The following RALGPS2 variants were observed in gnomAD, a reference collection of about 807,000 sequenced individuals.
RALGPS2 encodes the protein Ral GEF with PH domain and SH3 binding motif 2.
RALGPS2 carries 43 observed loss-of-function variants against 86.8 expected under a neutral mutation model. The observed-to-expected ratio is 0.50, with a 90% CI of 0.39 to 0.64. The LOEUF is 0.64. Ranked by LOEUF, RALGPS2 falls within the 30% of genes least tolerant of loss-of-function variation. The probability of loss-of-function intolerance (pLI) is 0.00; values close to 1 mark genes in which losing one functional copy is unlikely to be tolerated. For synonymous variants in RALGPS2, 243 were observed against 231.3 expected, an observed-to-expected ratio of 1.05 and a Z score of -0.46; for missense variants, 536 against 694.6, an observed-to-expected ratio of 0.77 and a Z score of 2.57.
At chr1:178,895,184 T>C (rs1172958042) in intron 16 of RALGPS2, among the ~76,000 whole-genome samples, 2 of 152,066 alleles carry the variant, frequency 1.3e-5, no homozygotes, top group African/African-American at 4.8e-5. Context: ...TTTCCCTTTC[T>C]CAAATTTGAA....
intron 1 of RALGPS2, among the ~76,000 whole-genome samples, chr1:178,775,742 A>T (rs1487666662): frequency 6.6e-6 from 1 of 152,144 alleles, no homozygotes; most frequent in Non-Finnish European, 1.5e-5. Flanking sequence ...ATGTGGGTAT[A>T]TCTTCCCTAA....
At chr1:178,897,313 A>G (rs577374082) in intron 16 of RALGPS2, among the ~76,000 whole-genome samples, 12 of 152,226 alleles carry the variant, frequency 7.9e-5, no homozygotes, top group African/African-American at 2.9e-4. Flanking sequence ...ATGTGGAGAA[A>G]TAGGAACACT....
intron 13 of RALGPS2, among the ~76,000 whole-genome samples, chr1:178,886,811 A>G (rs1161925967): frequency 3.3e-5 from 5 of 152,358 alleles, no homozygotes; most frequent in Admixed American, 6.5e-5. Context: ...AAAGCCCAGT[A>G]GATGAAGTAT....
At chr1:178,742,899 G>C (rs1162680125) in intron 1 of RALGPS2, among the ~76,000 whole-genome samples, 1 of 152,188 alleles carries the variant, frequency 6.6e-6, no homozygotes, top group Non-Finnish European at 1.5e-5. Flanking sequence ...CTTTTGAACT[G>C]AATCAAAATG....
In RALGPS2 at chr1:178,816,708, A is replaced by AT. The variant is rs1238092158; in HGVS notation, c.388-4888dup. On this transcript the variant is annotated intron_variant, in intron 6 of 19. Transcript: ENST00000367635. ...CCTAGAAGTATTATAGTTTGAAGTG[A>AT]TTTTTTTTTTTTTTTTGGAGATGGA... Among the ~76,000 whole-genome samples the AT allele has an allele frequency of 2.7e-3, 363 of 134,316 alleles. 2 individuals carry two copies. The highest frequency in any genetic ancestry group is 3.6e-3 in the African/African-American group (131 of 36,774). 88.1% of individuals were successfully genotyped at this position (134,316 alleles called of 152,430 possible).
chr1:178,734,307 A>G (rs2102008307), intron 1 of RALGPS2, among the ~76,000 whole-genome samples: 1 of 152,330 alleles, frequency 6.6e-6, no homozygotes, highest in Middle Eastern at 3.4e-3. Context: ...ACTTCTTCAA[A>G]TAATTTAACG....
rs1192949007 is a variant in RALGPS2, at chr1:178,920,396, T to C, written c.*4037T>C. 1 of 151,984 alleles carries C rather than the reference T, an allele frequency of 6.6e-6. No homozygotes were observed. Among genetic ancestry groups the C allele is most frequent in the Non-Finnish European group, 1.5e-5 (1 of 67,882 alleles). 9.4% of individuals were successfully genotyped at this position (151,984 alleles called of 1,614,324 possible). A position where few individuals can be genotyped will look rare whatever the true frequency, so the allele number is the denominator to read the frequency against. On this transcript the variant is annotated 3_prime_UTR_variant, in exon 20 of 20. Coordinates refer to ENST00000367635, the MANE Select transcript of RALGPS2 (RefSeq NM_152663.5). ...AGTGCCTTATTATTTGAAGAGCAAT[T>C]TTAGGGCATCAAGTATGACAATAAT...
intron 4 of RALGPS2, among the ~76,000 whole-genome samples, chr1:178,806,710 A>G (rs755433464): frequency 6.6e-6 from 1 of 152,042 alleles, no homozygotes; most frequent in African/African-American, 2.4e-5. Context: ...ATTAAAAAAT[A>G]ATAATTATAT....
chr1:178,813,601 A>G (rs912297093), intron 6 of RALGPS2, among the ~76,000 whole-genome samples: 2 of 152,204 alleles, frequency 1.3e-5, no homozygotes, highest in Non-Finnish European at 2.9e-5. Flanking sequence ...CATTCTGTAT[A>G]AACATGTATA....
chr1:178,805,588 G>A (rs549453640), intron 4 of RALGPS2, among the ~76,000 whole-genome samples: 62 of 151,490 alleles, frequency 4.1e-4, no homozygotes, highest in African/African-American at 1.5e-3. Flanking sequence ...CAGATAGTTG[G>A]CTAGCTGTTT....
chr1:178,804,267 TTTAA>T (rs1198903827), intron 4 of RALGPS2, among the ~76,000 whole-genome samples: 2 of 151,016 alleles, frequency 1.3e-5, no homozygotes, highest in Non-Finnish European at 3.0e-5. Context: ...TTTTTTTTTT[TTTAA>T]TTAATTGATT....
At chr1:178,895,919 A>C (rs1469460331) in intron 16 of RALGPS2, among the ~76,000 whole-genome samples, 2 of 152,034 alleles carry the variant, frequency 1.3e-5, no homozygotes, top group African/African-American at 2.4e-5. Flanking sequence ...AGTCATTAGC[A>C]TACAGATAGA....
At chr1:178,776,637 G>T in intron 1 of RALGPS2, 45 bp from the exon 2 acceptor site, 62 of 578,750 alleles carry the variant, frequency 1.1e-4, no homozygotes, top group Admixed American at 2.3e-4. Context: ...TTGTTTTCTT[G>T]AACTTCGAGG....
chr1:178,773,534 TGTA>T (rs1032796213), intron 1 of RALGPS2, among the ~76,000 whole-genome samples: 6 of 152,232 alleles, frequency 3.9e-5, no homozygotes, highest in Admixed American at 2.6e-4. Context: ...TTTTAGAACT[TGTA>T]GTACTTTTAT....
At position 178,916,341 on chromosome 1, in the gene RALGPS2, C is replaced by T. The variant is rs774591926; in HGVS notation, c.1734C>T (p.Asn578=). ...CQSNKQQVPT[N]LMTFE ...CTTATATTTTTTAGGTTCCTACAAA[C>T]TTGATGACTTTTGAGTAGAAGCCTG... is the stretch of plus-strand genomic sequence containing the variant. The change falls in exon 20 of 20, where the codon AAC becomes AAT. Residue 578 remains asparagine (N), a synonymous_variant. Transcript: ENST00000367635. The T allele has an allele frequency of 6.2e-7, 1 of 1,602,372 alleles. No individual in the cohort carries two copies. The highest frequency in any genetic ancestry group is 8.5e-7 in the Non-Finnish European group (1 of 1,170,078).
chr1:178,847,265 G>A (rs1159288619), intron 8 of RALGPS2, among the ~76,000 whole-genome samples: 2 of 152,192 alleles, frequency 1.3e-5, no homozygotes, highest in Non-Finnish European at 2.9e-5. Flanking sequence ...GGCCAATTTG[G>A]TGAAACCCCA....
At chr1:178,765,781 C>G (rs1652474900) in intron 1 of RALGPS2, among the ~76,000 whole-genome samples, 1 of 152,184 alleles carries the variant, frequency 6.6e-6, no homozygotes, top group Non-Finnish European at 1.5e-5. Flanking sequence ...TTCTCTTTCT[C>G]AGGGATGTTG....
intron 8 of RALGPS2, among the ~76,000 whole-genome samples, chr1:178,851,870 A>T (rs1657196462): frequency 6.6e-6 from 1 of 151,924 alleles, no homozygotes; most frequent in Non-Finnish European, 1.5e-5. Flanking sequence ...TGGGACAGGG[A>T]TGGGGGAGAA....
chr1:178,859,443 C>T (rs1388652795), intron 8 of RALGPS2, among the ~76,000 whole-genome samples: 3 of 130,764 alleles, frequency 2.3e-5, no homozygotes, highest in East Asian at 2.2e-4. Context: ...CTCGCTCTGT[C>T]GCCAGGCTGG....
Sources: allele counts gnomAD v4.1 joint callset (sites outside exome capture counted in the v4.1 genomes callset), GRCh38; gene constraint gnomAD v4.1.1; transcripts MANE v1.5; gene names NCBI Gene and HGNC (gene_info 2026-07-23, HGNC 2026-07-21).